Variants in PDE4B observed in about 807,000 individuals in gnomAD.
The protein encoded by PDE4B is phosphodiesterase 4B.
In PDE4B, 20 loss-of-function variants were observed where a neutral mutation model predicts 82.2. The ratio of observed to expected loss-of-function variants is 0.24; its 90% CI spans 0.17 to 0.35. PDE4B has a LOEUF of 0.35. PDE4B is among the 10% of genes least tolerant of loss of function. The probability of loss-of-function intolerance (pLI) is 1.00; values close to 1 mark genes in which losing one functional copy is unlikely to be tolerated. For synonymous variants in PDE4B, 320 were observed against 318.9 expected, an observed-to-expected ratio of 1.00 and a Z score of -0.04; for missense variants, 655 against 907.2, an observed-to-expected ratio of 0.72 and a Z score of 3.57.
chr1:66,024,158 A>G (rs1407668525), intron 3 of PDE4B, among the ~76,000 whole-genome samples: 1 of 152,152 alleles, frequency 6.6e-6, no homozygotes, highest in African/African-American at 2.4e-5. Flanking sequence ...AGAGTTGCTT[A>G]TACTTACAAA....
At chr1:66,356,757 T>G (rs931478264) in intron 9 of PDE4B, among the ~76,000 whole-genome samples, 1 of 152,212 alleles carries the variant, frequency 6.6e-6, no homozygotes, top group Non-Finnish European at 1.5e-5. Context: ...GCTTACTGCA[T>G]TACTCTGCAG....
chr1:66,059,949 G>A (rs996051065), intron 3 of PDE4B, among the ~76,000 whole-genome samples: 1 of 152,086 alleles, frequency 6.6e-6, no homozygotes, highest in Non-Finnish European at 1.5e-5. Context: ...CAAGGAAAAA[G>A]CTCAGTTAGA....
At chr1:66,313,353 T>C in intron 7 of PDE4B, among the ~76,000 whole-genome samples, 1 of 152,246 alleles carries the variant, frequency 6.6e-6, no homozygotes, top group Non-Finnish European at 1.5e-5. Context: ...TGTAAGTGCC[T>C]CAGTGGCAGT....
rs202170134 is a variant in PDE4B, at chr1:66,066,721, TC to T, written c.281+147890del. ...TTGTATCTTATGTCTCATTCACCCT[TC>T]CCCACTAATCTCCTGAAGGCATAGC... On this transcript the variant is annotated intron_variant, in intron 3 of 16. Coordinates refer to ENST00000341517, the MANE Select transcript of PDE4B (RefSeq NM_002600.4). Among the ~76,000 whole-genome samples the T allele has an allele frequency of 7.5e-3, 1,142 of 152,040 alleles. 16 individuals are homozygous for T. Among genetic ancestry groups the T allele is most frequent in the African/African-American group, 0.026 (1,090 of 41,514 alleles).
intron 4 of PDE4B, among the ~76,000 whole-genome samples, chr1:66,249,279 G>A (rs1653567467): frequency 6.6e-6 from 1 of 152,196 alleles, no homozygotes; most frequent in Non-Finnish European, 1.5e-5. Flanking sequence ...AAGACCGTAG[G>A]TCATGTGGTG....
intron 3 of PDE4B, among the ~76,000 whole-genome samples, chr1:66,030,045 T>TC (rs1653680160): frequency 6.6e-6 from 1 of 151,756 alleles, no homozygotes; most frequent in African/African-American, 2.4e-5. Flanking sequence ...GGGTTTTTTT[T>TC]TTTTTTTATC....
chr1:66,011,982 A>G (rs1268728593), intron 3 of PDE4B, among the ~76,000 whole-genome samples: 1 of 152,144 alleles, frequency 6.6e-6, no homozygotes, highest in Non-Finnish European at 1.5e-5. Flanking sequence ...TTCAGTTAAG[A>G]AATAATTGTT....
intron 4 of PDE4B, among the ~76,000 whole-genome samples, chr1:66,254,565 C>T (rs1386644057): frequency 1.3e-5 from 2 of 152,128 alleles, no homozygotes; most frequent in African/African-American, 2.4e-5. Context: ...TCTCAGTCTT[C>T]CTGCTCGATG....
intron 3 of PDE4B, among the ~76,000 whole-genome samples, chr1:66,061,155 T>C (rs1467440607): frequency 6.6e-6 from 1 of 150,950 alleles, no homozygotes; most frequent in African/African-American, 2.4e-5. Flanking sequence ...GCAAGAAACA[T>C]GAACTCAGGA....
At chr1:65,816,206 T>TGTGC (rs1645882312) in intron 1 of PDE4B, among the ~76,000 whole-genome samples, 1 of 68,782 alleles carries the variant, frequency 1.5e-5, no homozygotes, top group South Asian at 4.5e-4. Context: ...TGTGTGTGTG[T>TGTGC]GTGTGTGTGT....
intron 3 of PDE4B, among the ~76,000 whole-genome samples, chr1:66,177,881 G>A (rs947903121): frequency 1.3e-5 from 2 of 152,008 alleles, no homozygotes; most frequent in Non-Finnish European, 2.9e-5. Context: ...GCTTTGGTGG[G>A]CATTGTTTTT....
At chr1:66,137,298 G>C (rs1174527877) in intron 3 of PDE4B, among the ~76,000 whole-genome samples, 1 of 152,182 alleles carries the variant, frequency 6.6e-6, no homozygotes, top group East Asian at 1.9e-4. Context: ...CAAGAGCATA[G>C]TGAAGAGGTT....
chr1:65,984,361 A>C (rs1038968124), intron 3 of PDE4B, among the ~76,000 whole-genome samples: 8 of 152,174 alleles, frequency 5.3e-5, no homozygotes, highest in Non-Finnish European at 1.5e-5. Context: ...TAGCAGAGAA[A>C]GTTTTCTGAG....
intron 3 of PDE4B, among the ~76,000 whole-genome samples, chr1:65,920,922 T>G (rs1046613217): frequency 6.6e-6 from 1 of 151,668 alleles, no homozygotes; most frequent in Non-Finnish European, 1.5e-5. Flanking sequence ...CAGATAACTC[T>G]GAATTTATTT....
At chr1:65,861,898 T>C (rs1349646643) in intron 1 of PDE4B, among the ~76,000 whole-genome samples, 1 of 152,194 alleles carries the variant, frequency 6.6e-6, no homozygotes, top group Non-Finnish European at 1.5e-5. Flanking sequence ...ACATTGATTT[T>C]TGTATCCTGA....
intron 1 of PDE4B, among the ~76,000 whole-genome samples, chr1:65,826,125 C>T (rs564516578): frequency 6.6e-6 from 1 of 152,134 alleles, no homozygotes; most frequent in African/African-American, 2.4e-5. Context: ...GTTCACATTT[C>T]ATAGGAATTC....
At chr1:66,216,430 A>C (rs1439111633) in intron 3 of PDE4B, among the ~76,000 whole-genome samples, 4 of 152,100 alleles carry the variant, frequency 2.6e-5, no homozygotes, top group Non-Finnish European at 5.9e-5. Context: ...TTTTGCAATA[A>C]ACTGGTTACA....
intron 3 of PDE4B, among the ~76,000 whole-genome samples, chr1:66,106,252 G>A (rs1645352611): frequency 6.6e-6 from 1 of 151,778 alleles, no homozygotes; most frequent in Admixed American, 6.6e-5. Context: ...ATTGATTTGT[G>A]TATATTGAAC....
At chr1:65,949,811 A>C (rs77009506) in intron 3 of PDE4B, among the ~76,000 whole-genome samples, 10,432 of 151,940 alleles carry the variant, frequency 0.069, 522 homozygotes, top group Non-Finnish European at 0.099. Flanking sequence ...TTCCAATAAG[A>C]GATAATTGGT....
Sources: allele counts gnomAD v4.1 joint callset (sites outside exome capture counted in the v4.1 genomes callset), GRCh38; gene constraint gnomAD v4.1.1; transcripts MANE v1.5; gene names NCBI Gene and HGNC (gene_info 2026-07-23, HGNC 2026-07-21).